Variants in CNTN3 observed in about 807,000 individuals in gnomAD.
The protein encoded by CNTN3 is contactin 3, also known as contactin-3.
CNTN3 carries 60 observed loss-of-function variants against 119.1 expected under a neutral mutation model. The observed-to-expected ratio is 0.50, with a 90% CI of 0.41 to 0.62. The LOEUF is 0.62. CNTN3 is among the 20% of genes least tolerant of loss of function. The probability of loss-of-function intolerance (pLI) is 0.00; values close to 1 mark genes in which losing one functional copy is unlikely to be tolerated. For missense variants in CNTN3, 1,101 were observed against 1,242.4 expected (o/e 0.89, Z 1.71); for synonymous variants, 450 against 438.7 (o/e 1.03, Z -0.32).
At chr3:74,348,580 C>T (rs984267146) in intron 11 of CNTN3, among the ~76,000 whole-genome samples, 8 of 152,042 alleles carry the variant, frequency 5.3e-5, no homozygotes, top group Non-Finnish European at 7.4e-5. Context: ...CTCACCCATG[C>T]GGAGAGACCA....
chr3:74,332,028 G>C (rs1266408828), intron 13 of CNTN3, among the ~76,000 whole-genome samples: 1 of 152,162 alleles, frequency 6.6e-6, no homozygotes, highest in Non-Finnish European at 1.5e-5. Flanking sequence ...GCTATGAGTT[G>C]TATTTTCTAT....
rs375743832 is a variant in CNTN3, at chr3:74,280,666, A to C, written c.2704+4639T>G. ...GTGATGGAGAGAGTCATTGTTCAACAAATACTTATTGGGCACTGACTGTGA... is the reference window on the plus strand; with the variant it reads ...GTGATGGAGAGAGTCATTGTTCAACCAATACTTATTGGGCACTGACTGTGA... On this transcript the variant is annotated intron_variant, in intron 20 of 22. Transcript: ENST00000263665. Among the ~76,000 whole-genome samples, 5 of 152,206 alleles carry C rather than the reference A, an allele frequency of 3.3e-5. No homozygotes were observed. The East Asian group carries it at 5.8e-4, about 18-fold the overall frequency.
intron 3 of CNTN3, among the ~76,000 whole-genome samples, chr3:74,488,609 G>T (rs986575067): frequency 6.6e-6 from 1 of 152,124 alleles, no homozygotes; most frequent in East Asian, 1.9e-4. Flanking sequence ...AAGAAAATGG[G>T]TGAGTTTATA....
chr3:74,498,932 C>T (rs1455947747), intron 3 of CNTN3, among the ~76,000 whole-genome samples: 1 of 151,746 alleles, frequency 6.6e-6, no homozygotes, highest in Admixed American at 6.6e-5. Context: ...GTGGGTCTCC[C>T]AAGCACTCCT....
chr3:74,478,449 T>C (rs1702700611), intron 4 of CNTN3, among the ~76,000 whole-genome samples: 1 of 152,042 alleles, frequency 6.6e-6, no homozygotes, highest in South Asian at 2.1e-4. Flanking sequence ...TGGAGGGTCT[T>C]GTAAGGTATA....
At chr3:74,560,373 T>C (rs1156379388) in intron 1 of CNTN3, among the ~76,000 whole-genome samples, 2 of 152,212 alleles carry the variant, frequency 1.3e-5, no homozygotes, top group East Asian at 1.9e-4. Context: ...CAGCTGGCTA[T>C]TATACATGCC....
At position 74,346,080 on chromosome 3, in the gene CNTN3, G is replaced by A. The variant is rs141238598; in HGVS notation, c.1365-9422C>T. Among the ~76,000 whole-genome samples the A allele has an allele frequency of 3.0e-3, 450 of 152,034 alleles. 1 individual carries two copies. Among genetic ancestry groups the A allele is most frequent in the African/African-American group, 0.01 (427 of 41,480 alleles). The stretch of plus-strand genomic sequence containing the variant: ...TCCAATTCTTTGTGAAATACGACAC[G>A]ATATAAGTAAATGAAATAGAATAGA... On this transcript the variant is annotated intron_variant, in intron 11 of 22. Transcript: ENST00000263665.
intron 5 of CNTN3, among the ~76,000 whole-genome samples, chr3:74,418,447 T>C (rs1701562885): frequency 1.3e-5 from 2 of 149,478 alleles, no homozygotes; most frequent in Admixed American, 1.4e-4. Flanking sequence ...GTTCAAGCAA[T>C]TCTCCTGCCT....
chr3:74,594,861 G>C (rs1006149701), intron 1 of CNTN3, among the ~76,000 whole-genome samples: 2 of 151,918 alleles, frequency 1.3e-5, no homozygotes, highest in Admixed American at 6.6e-5. Context: ...AGATCCCTGA[G>C]GAATCGCCAC....
rs758435177 is a variant in CNTN3 at position 74,285,434 on chromosome 3, C to A, written c.2575G>T (p.Gly859Ter). ...CGTAGTCTGGCTGATGTCTCATTTCCTGCCACTTTCATCTTACTGGATGAT... is the reference window on the plus strand; with the variant it reads ...CGTAGTCTGGCTGATGTCTCATTTCATGCCACTTTCATCTTACTGGATGAT... ...EESSSKMKVA[G>*]NETSARLRGL... is the part of the protein sequence containing the mutation. Residue 859 changes from glycine to a stop codon, truncating the protein, a stop_gained, in exon 20 of 23, where the codon GGA becomes TGA. Coordinates refer to ENST00000263665, the MANE Select transcript of CNTN3 (RefSeq NM_020872.3). LOFTEE classifies it high-confidence loss of function. The A allele has an allele frequency of 6.2e-7, 1 of 1,613,324 alleles. No individual in the cohort carries two copies. The highest frequency in any genetic ancestry group is 1.1e-5 in the South Asian group (1 of 90,984).
intron 1 of CNTN3, among the ~76,000 whole-genome samples, chr3:74,602,923 T>G (rs1704934894): frequency 6.6e-6 from 1 of 152,180 alleles, no homozygotes; most frequent in African/African-American, 2.4e-5. Flanking sequence ...CATTCTTAAC[T>G]TGGGCTCCTT....
intron 1 of CNTN3, among the ~76,000 whole-genome samples, chr3:74,583,887 C>T (rs1331968862): frequency 6.6e-6 from 1 of 152,132 alleles, no homozygotes; most frequent in African/African-American, 2.4e-5. Flanking sequence ...CAAGCATAGG[C>T]TTTATATATA....
chr3:74,471,871 A>G (rs1702572054), intron 4 of CNTN3, among the ~76,000 whole-genome samples: 1 of 152,178 alleles, frequency 6.6e-6, no homozygotes, highest in African/African-American at 2.4e-5. Context: ...ATGGCATTCT[A>G]TTCCCAACTA....
chr3:74,383,723 G>A (rs1176847193), intron 5 of CNTN3, among the ~76,000 whole-genome samples: 2 of 152,140 alleles, frequency 1.3e-5, no homozygotes, highest in Non-Finnish European at 2.9e-5. Flanking sequence ...TAGCACAAGC[G>A]ATCCACTCAC....
At chr3:74,562,647 G>A (rs889433370) in intron 1 of CNTN3, among the ~76,000 whole-genome samples, 36 of 152,218 alleles carry the variant, frequency 2.4e-4, no homozygotes, top group African/African-American at 7.9e-4. Flanking sequence ...TGCCTGCACA[G>A]TTTCTCCTCC....
intron 1 of CNTN3, among the ~76,000 whole-genome samples, chr3:74,547,587 T>G (rs761349310): frequency 1.5e-4 from 23 of 152,196 alleles, no homozygotes; most frequent in Admixed American, 3.3e-4. Context: ...ACACATTTAA[T>G]AGCTCCCTGG....
intron 4 of CNTN3, among the ~76,000 whole-genome samples, chr3:74,455,871 G>A (rs955014173): frequency 2.6e-5 from 4 of 151,964 alleles, no homozygotes; most frequent in African/African-American, 9.7e-5. Flanking sequence ...CACCCAGGAG[G>A]GTCTGAAGCA....
In CNTN3 at chr3:74,331,727, G is replaced by A. The variant is rs183864266; in HGVS notation, c.1668+3008C>T. Among the ~76,000 whole-genome samples, 208 of 152,088 alleles carry A rather than the reference G, an allele frequency of 1.4e-3. No homozygotes were observed. In the Middle Eastern group the frequency reaches 0.017, roughly 12 times the overall value. On this transcript the variant is annotated intron_variant, in intron 13 of 22. Transcript: ENST00000263665. The stretch of plus-strand genomic sequence containing the variant: ...ATTTAATGATACGACTTTTTGATTC[G>A]CCCCATGATCATGGACTGAAACCTA...
intron 5 of CNTN3, among the ~76,000 whole-genome samples, chr3:74,407,134 T>C (rs937437441): frequency 2.0e-5 from 3 of 152,176 alleles, no homozygotes; most frequent in Non-Finnish European, 4.4e-5. Flanking sequence ...GAATTTGTTC[T>C]ATTTTTCTAT....
Sources: allele counts gnomAD v4.1 joint callset (sites outside exome capture counted in the v4.1 genomes callset), GRCh38; gene constraint gnomAD v4.1.1; transcripts MANE v1.5; gene names NCBI Gene and HGNC (gene_info 2026-07-23, HGNC 2026-07-21).